Variants in DACH1 observed in about 807,000 individuals in gnomAD.
DACH1 encodes the protein dachshund homolog 1.
DACH1 carries 12 observed loss-of-function variants against 54.2 expected under a neutral mutation model. That is an observed-to-expected ratio of 0.22 (90% CI 0.14 to 0.36). DACH1 has a LOEUF of 0.36. Ranked by LOEUF, DACH1 falls within the 10% of genes least tolerant of loss-of-function variation. The probability of loss-of-function intolerance (pLI) is 1.00; values close to 1 mark genes in which losing one functional copy is unlikely to be tolerated. For synonymous variants in DACH1, 386 were observed against 366.2 expected (o/e 1.05, Z -0.62); for missense variants, 805 against 929.8 (o/e 0.87, Z 1.75).
At chr13:71,686,027 A>T (rs1881142772) in intron 1 of DACH1, among the ~76,000 whole-genome samples, 1 of 152,232 alleles carries the variant, frequency 6.6e-6, no homozygotes, top group African/African-American at 2.4e-5. Context: ...TCTCAATAGT[A>T]GCCACTATCA....
chr13:71,742,766 C>T (rs1212735236), intron 1 of DACH1, among the ~76,000 whole-genome samples: 1 of 151,900 alleles, frequency 6.6e-6, no homozygotes, highest in Non-Finnish European at 1.5e-5. Context: ...TTCCTTTTTA[C>T]CTCAAGGATT....
chr13:71,484,975 T>C (rs1234493059), intron 7 of DACH1, among the ~76,000 whole-genome samples: 2 of 151,446 alleles, frequency 1.3e-5, no homozygotes, highest in Admixed American at 1.3e-4. Flanking sequence ...GGCAGGAGAA[T>C]CACTTGAGAG....
chr13:71,522,234 A>G (rs932493638), intron 6 of DACH1, among the ~76,000 whole-genome samples: 1 of 152,024 alleles, frequency 6.6e-6, no homozygotes, highest in African/African-American at 2.4e-5. Context: ...ATGTGGGGTG[A>G]GTGGCAATGA....
chr13:71,621,911 A>C (rs2138544746), intron 3 of DACH1, among the ~76,000 whole-genome samples: 1 of 152,172 alleles, frequency 6.6e-6, no homozygotes, highest in East Asian at 1.9e-4. Context: ...TAATTCTCTC[A>C]GCACTGAATG....
intron 7 of DACH1, among the ~76,000 whole-genome samples, chr13:71,481,994 G>T (rs1478549470): frequency 6.6e-6 from 1 of 152,170 alleles, no homozygotes; most frequent in Non-Finnish European, 1.5e-5. Flanking sequence ...ACGATAGAAG[G>T]TTTAAAGCAT....
intron 1 of DACH1, among the ~76,000 whole-genome samples, chr13:71,715,913 T>A (rs1882943971): frequency 6.6e-6 from 1 of 152,074 alleles, no homozygotes; most frequent in Admixed American, 6.6e-5. Flanking sequence ...ACAGAAATAA[T>A]GTTTTCCTTT....
intron 6 of DACH1, among the ~76,000 whole-genome samples, chr13:71,493,866 ATATC>A (rs1465744725): frequency 6.6e-6 from 1 of 152,196 alleles, no homozygotes; most frequent in African/African-American, 2.4e-5. Flanking sequence ...AGATTTATGA[ATATC>A]TATGTAATAT....
chr13:71,748,565 G>C (rs1356636866), intron 1 of DACH1, among the ~76,000 whole-genome samples: 1 of 152,042 alleles, frequency 6.6e-6, no homozygotes, highest in Non-Finnish European at 1.5e-5. Flanking sequence ...CTCACTCTGG[G>C]GGCACCATTG....
intron 1 of DACH1, among the ~76,000 whole-genome samples, chr13:71,695,973 A>C (rs538461038): frequency 6.6e-6 from 1 of 152,362 alleles, no homozygotes; most frequent in Admixed American, 6.5e-5. Flanking sequence ...TAGTATGTGA[A>C]GTACAGTGCT....
intron 1 of DACH1, among the ~76,000 whole-genome samples, chr13:71,860,341 A>G (rs931034863): frequency 2.6e-5 from 4 of 151,760 alleles, no homozygotes; most frequent in Non-Finnish European, 5.9e-5. Context: ...CTATTTTTAT[A>G]ACAATTCAAA....
At chr13:71,483,725 G>T (rs188140569) in intron 7 of DACH1, among the ~76,000 whole-genome samples, 163 of 151,812 alleles carry the variant, frequency 1.1e-3, no homozygotes, top group African/African-American at 3.7e-3. Flanking sequence ...TTTTTGGTCC[G>T]CAAGCATATA....
chr13:71,656,971 T>C (rs1323028459), intron 2 of DACH1, among the ~76,000 whole-genome samples: 2 of 140,706 alleles, frequency 1.4e-5, no homozygotes, highest in Non-Finnish European at 3.1e-5. Context: ...TATGCACATA[T>C]ATATGAACAT....
intron 1 of DACH1, among the ~76,000 whole-genome samples, chr13:71,784,032 T>C (rs536929254): frequency 4.6e-5 from 7 of 151,244 alleles, no homozygotes; most frequent in South Asian, 4.2e-4. Context: ...TAAAAACTTA[T>C]TGAGGACAAC....
At chr13:71,767,082 T>C (rs1177869759) in intron 1 of DACH1, among the ~76,000 whole-genome samples, 1 of 152,042 alleles carries the variant, frequency 6.6e-6, no homozygotes, top group Non-Finnish European at 1.5e-5. Context: ...ATTTTCCTAA[T>C]AATTAATTAC....
chr13:71,743,664 T>A (rs1392349173), intron 1 of DACH1, among the ~76,000 whole-genome samples: 1 of 152,216 alleles, frequency 6.6e-6, no homozygotes, highest in East Asian at 1.9e-4. Flanking sequence ...TTAGACAATT[T>A]GTGTTTCCTA....
chr13:71,726,178 TACAGGG>T (rs1398350747), intron 1 of DACH1, among the ~76,000 whole-genome samples: 3 of 152,140 alleles, frequency 2.0e-5, no homozygotes, highest in Admixed American at 1.3e-4. Flanking sequence ...CTTGTAATGC[TACAGGG>T]AGTTGAGGCG....
At chr13:71,643,106 A>G (rs2138602149) in intron 2 of DACH1, among the ~76,000 whole-genome samples, 1 of 152,270 alleles carries the variant, frequency 6.6e-6, no homozygotes, top group Admixed American at 6.5e-5. Context: ...GTTATTAAAT[A>G]TCATTTTGAT....
chr13:71,728,224 T>G (rs1175414627), intron 1 of DACH1, among the ~76,000 whole-genome samples: 1 of 152,084 alleles, frequency 6.6e-6, no homozygotes, highest in East Asian at 1.9e-4. Context: ...AATTTAAATA[T>G]TTAGAAAATT....
chr13:71,816,584 A>G (rs185078663), intron 1 of DACH1, among the ~76,000 whole-genome samples: 178 of 110,288 alleles, frequency 1.6e-3, no homozygotes, highest in African/African-American at 6.0e-3. Context: ...ATATACACGT[A>G]TATATATACA....
Sources: allele counts gnomAD v4.1 joint callset (sites outside exome capture counted in the v4.1 genomes callset), GRCh38; gene constraint gnomAD v4.1.1; transcripts MANE v1.5; gene names NCBI Gene and HGNC (gene_info 2026-07-23, HGNC 2026-07-21).